The following PASD1 variants were observed in gnomAD, a reference collection of about 807,000 sequenced individuals.
The protein encoded by PASD1 is PAS domain containing repressor 1, also known as circadian clock protein PASD1.
PASD1 carries 13 observed loss-of-function variants against 58.8 expected under a neutral mutation model. The ratio of observed to expected loss-of-function variants is 0.22; its 90% confidence interval spans 0.14 to 0.35. The LOEUF is 0.35. PASD1 is among the 10% of genes least tolerant of loss of function. The probability of loss-of-function intolerance (pLI) is 1.00; values close to 1 mark genes in which losing one functional copy is unlikely to be tolerated. For synonymous variants in PASD1, 236 were observed against 216.7 expected (o/e 1.09, Z -0.78); for missense variants, 734 against 568.3 (o/e 1.29, Z -2.96).
chrX:151,601,695 A>G, intron 2 of PASD1, 114 bp downstream of exon 2: 1 of 769,258 alleles, frequency 1.3e-6, no homozygotes, highest in African/African-American at 2.1e-5. Flanking sequence ...TCACTCAGAG[A>G]AATGTGGTTT....
At chrX:151,584,535 A>G (rs2013141873) in intron 1 of PASD1, among the ~76,000 whole-genome samples, 1 of 112,003 alleles carries the variant, frequency 8.9e-6, no homozygotes, top group African/African-American at 3.2e-5. Context: ...TTTACTGGAA[A>G]TCAAAGGGAT....
At position 151,563,830 on chromosome X, in the gene PASD1, T is replaced by G. The variant is rs1372235618; in HGVS notation, c.-37T>G. The G allele has an allele frequency of 9.0e-6, 1 of 111,695 alleles. No individual in the cohort carries two copies. The highest frequency in any genetic ancestry group is 2.8e-4 in the East Asian group (1 of 3,537). The allele number at this position is 111,695 out of a possible 1,213,427, so 9.2% of individuals were successfully genotyped here. ...CCCTGCGGCCTCCAGCAGTGAAGAG[T>G]TCCACAAGGGTGAGTGAAGTCCGTT... On this transcript the variant is annotated 5_prime_UTR_variant, in exon 1 of 16. Coordinates refer to ENST00000370357, the MANE Select transcript of PASD1 (RefSeq NM_173493.3).
chrX:151,671,016 C>T (rs773929393), intron 11 of PASD1, 22 bp from the exon 12 acceptor site: 2 of 1,202,467 alleles, frequency 1.7e-6, no homozygotes, highest in Non-Finnish European at 2.2e-6. Context: ...ATACATGAAC[C>T]ATAAGTAATT....
At chrX:151,583,433 A>G (rs945117198) in intron 1 of PASD1, among the ~76,000 whole-genome samples, 1 of 112,304 alleles carries the variant, frequency 8.9e-6, no homozygotes, top group African/African-American at 3.2e-5. Context: ...TATAAAAGTA[A>G]CATAAGGAGG....
chrX:151,648,581 T>C, intron 8 of PASD1, 34 bp from the exon 9 acceptor site: 1 of 1,147,761 alleles, frequency 8.7e-7, no homozygotes, highest in Non-Finnish European at 1.2e-6. Context: ...GCGAGTGAGA[T>C]ATGCTTACCA....
At chrX:151,669,761 A>T (rs1401373848) in intron 11 of PASD1, among the ~76,000 whole-genome samples, 4 of 112,033 alleles carry the variant, frequency 3.6e-5, no homozygotes, top group Non-Finnish European at 5.6e-5. Context: ...TCTATTCTGT[A>T]TATATAACAC....
chrX:151,577,883 G>C (rs1031484788), intron 1 of PASD1, among the ~76,000 whole-genome samples: 1 of 111,632 alleles, frequency 9.0e-6, no homozygotes, highest in African/African-American at 3.3e-5. Context: ...CTATGCTGGG[G>C]ACCTTTATGG....
intron 3 of PASD1, among the ~76,000 whole-genome samples, chrX:151,609,013 AT>A (rs2013520092): frequency 9.0e-6 from 1 of 111,264 alleles, no homozygotes; most frequent in Non-Finnish European, 1.9e-5. Context: ...AACATTCTTG[AT>A]TCTGTCCATT....
chrX:151,590,238 C>A (rs934081303), intron 1 of PASD1, among the ~76,000 whole-genome samples: 3 of 112,216 alleles, frequency 2.7e-5, no homozygotes, highest in African/African-American at 9.7e-5. Flanking sequence ...GCAGAACAGG[C>A]AAAGGTGGAT....
intron 8 of PASD1, among the ~76,000 whole-genome samples, chrX:151,627,855 C>T (rs754972085): frequency 9.0e-6 from 1 of 111,698 alleles, no homozygotes; most frequent in South Asian, 3.9e-4. Context: ...TCCACATCCT[C>T]TCCAGCACCT....
intron 8 of PASD1, among the ~76,000 whole-genome samples, chrX:151,641,838 A>G (rs866764401): frequency 3.9e-5 from 4 of 102,078 alleles, no homozygotes; most frequent in African/African-American, 1.1e-4. Context: ...ACACACACAC[A>G]CACGCGCGCG....
chrX:151,607,749 A>C (rs973419352), intron 3 of PASD1, among the ~76,000 whole-genome samples: 1 of 112,013 alleles, frequency 8.9e-6, no homozygotes. Context: ...TGGAAACCCA[A>C]TGGGGAACCC....
intron 9 of PASD1, among the ~76,000 whole-genome samples, chrX:151,652,532 C>CAAAAAAA (rs68106404): frequency 1.6e-4 from 11 of 69,085 alleles, no homozygotes; most frequent in Non-Finnish European, 1.8e-4. Context: ...GACTCCGTCT[C>CAAAAAAA]AAAAAAAAAA....
At position 151,599,476 on chromosome X, in the gene PASD1, C is replaced by G. The variant is rs1317818377; in HGVS notation, c.-27-2051C>G. On this transcript the variant is annotated intron_variant, in intron 1 of 15. Transcript: ENST00000370357. ...GCCCGCCACCTCCCGGACTGGGCGG[C>G]TGCCGGGCGGAGACGCTCCTCACTT... Among the ~76,000 whole-genome samples the G allele has an allele frequency of 5.4e-5, 6 of 110,120 alleles. No individual in the cohort carries two copies. The East Asian group carries it at 1.8e-3, about 33-fold the overall frequency.
chrX:151,676,175 TG>T lies in PASD1; in HGVS notation c.*38del. 8.6e-6 allele frequency: 9 copies of T among 1,042,122 alleles called. No homozygotes were observed. Among genetic ancestry groups the T allele is most frequent in the Admixed American group, 2.9e-5 (1 of 34,518 alleles). 85.9% of individuals were successfully genotyped at this position (1,042,122 alleles called of 1,213,427 possible). ...TTTCATGACCAGTGATGAGGGGAAA[TG>T]GGGGGAGGGGGCAGGCCAATGAGGT... On this transcript the variant is annotated 3_prime_UTR_variant, in exon 16 of 16. Transcript: ENST00000370357.
At chrX:151,649,022 C>G (rs937915970) in intron 9 of PASD1, among the ~76,000 whole-genome samples, 3 of 112,016 alleles carry the variant, frequency 2.7e-5, no homozygotes, top group African/African-American at 9.7e-5. Context: ...AGGCTAGAAC[C>G]TAGTGCCTAA....
chrX:151,629,604 T>C (rs755755760), intron 8 of PASD1, among the ~76,000 whole-genome samples: 6 of 111,955 alleles, frequency 5.4e-5, no homozygotes, highest in African/African-American at 1.9e-4. Context: ...TTAGTTTCTC[T>C]AGTTTCTTAG....
intron 8 of PASD1, among the ~76,000 whole-genome samples, chrX:151,640,158 G>A (rs2013980510): frequency 9.0e-6 from 1 of 111,358 alleles, no homozygotes; most frequent in African/African-American, 3.3e-5. Context: ...TAAAACATGG[G>A]ATGTTTGGCA....
At chrX:151,631,015 G>A (rs766023397) in intron 8 of PASD1, among the ~76,000 whole-genome samples, 3 of 111,996 alleles carry the variant, frequency 2.7e-5, no homozygotes, top group South Asian at 7.6e-4. Context: ...TGAATACTGA[G>A]TAGCCCTCTG....
Sources: allele counts gnomAD v4.1 joint callset (sites outside exome capture counted in the v4.1 genomes callset), GRCh38; gene constraint gnomAD v4.1.1; transcripts MANE v1.5; gene names NCBI Gene and HGNC (gene_info 2026-07-23, HGNC 2026-07-21).